The following CHP1 variants were observed in gnomAD, a reference collection of about 807,000 sequenced individuals.
CHP1 encodes calcineurin like EF-hand protein 1.
A neutral mutation model predicts 27.4 loss-of-function variants in CHP1; 11 were observed. The ratio of observed to expected loss-of-function variants is 0.40; its 90% CI spans 0.25 to 0.67. The LOEUF is 0.67. CHP1 is among the 30% of genes least tolerant of loss of function. The pLI is 0.38. For synonymous variants in CHP1, 89 were observed against 87.4 expected, an observed-to-expected ratio of 1.02 and a Z score of -0.10; for missense variants, 169 against 251.3, an observed-to-expected ratio of 0.67 and a Z score of 2.22.
chr15:41,255,843 C>T (rs948044625), intron 2 of CHP1, among the ~76,000 whole-genome samples: 5 of 152,078 alleles, frequency 3.3e-5, no homozygotes, highest in African/African-American at 1.2e-4. Context: ...TGGTGAAACT[C>T]CGTCTCTACT....
At chr15:41,268,708 G>A (rs556921838) in intron 4 of CHP1, among the ~76,000 whole-genome samples, 1 of 151,260 alleles carries the variant, frequency 6.6e-6, no homozygotes. Context: ...TTGGGAGGCC[G>A]AGGTGGTTAG....
At chr15:41,256,186 A>T (rs980443261) in intron 2 of CHP1, among the ~76,000 whole-genome samples, 1 of 152,222 alleles carries the variant, frequency 6.6e-6, no homozygotes, top group African/African-American at 2.4e-5. Flanking sequence ...AAGGGTATAC[A>T]TAAAACATTG....
Position 41,279,550 on chromosome 15 carries a change from T to A in CHP1, c.*161T>A. The A allele has an allele frequency of 1.6e-6, 1 of 635,508 alleles. No individual in the cohort carries two copies. The highest frequency in any genetic ancestry group is 2.6e-5 in the Admixed American group (1 of 38,588). The allele number at this position is 635,508 out of a possible 1,614,324, so 39.4% of individuals were successfully genotyped here. A position where few individuals can be genotyped will look rare whatever the true frequency, so the allele number is the denominator to read the frequency against. On this transcript the variant is annotated 3_prime_UTR_variant, in exon 7 of 7. Coordinates refer to ENST00000334660, the MANE Select transcript of CHP1 (RefSeq NM_007236.5). ...TGTTCTGTCAACACAAACCTGCCTT[T>A]GGTGTATAAACAGGGCATTACAGAA...
At chr15:41,272,747 C>G (rs72739609) in intron 5 of CHP1, among the ~76,000 whole-genome samples, 30,484 of 151,882 alleles carry the variant, frequency 0.2, 3,267 homozygotes, top group Non-Finnish European at 0.24. Flanking sequence ...TAGAAGACAG[C>G]GTAAGAAAAG....
At chr15:41,252,864 A>G (rs750854598) in intron 2 of CHP1, among the ~76,000 whole-genome samples, 6 of 150,310 alleles carry the variant, frequency 4.0e-5, no homozygotes, top group Non-Finnish European at 5.9e-5. Context: ...TAGGTATACC[A>G]TGAGGCAGAA....
chr15:41,278,170 T>C (rs1409010506), intron 5 of CHP1, among the ~76,000 whole-genome samples: 1 of 151,158 alleles, frequency 6.6e-6, no homozygotes, highest in Non-Finnish European at 1.5e-5. Flanking sequence ...CTACTAAAAA[T>C]ACAAAAAATT....
rs183355967 is a variant in CHP1 at position 41,251,220 on chromosome 15, C to A, written c.141-5690C>A. Among the ~76,000 whole-genome samples the A allele has an allele frequency of 3.9e-3, 589 of 152,162 alleles. 4 individuals are homozygous for A. Among genetic ancestry groups the A allele is most frequent in the South Asian group, 0.021 (102 of 4,826 alleles). On this transcript the variant is annotated intron_variant, in intron 2 of 6. Transcript: ENST00000334660. ...AGCATTGGACATGATAAATTTTCACCAAGGGAAGACTATCCAGCCTCCAGA... is the reference window on the plus strand; with the variant it reads ...AGCATTGGACATGATAAATTTTCACAAAGGGAAGACTATCCAGCCTCCAGA...
At chr15:41,237,033 G>C (rs916129805) in intron 1 of CHP1, among the ~76,000 whole-genome samples, 2 of 151,630 alleles carry the variant, frequency 1.3e-5, no homozygotes, top group African/African-American at 4.8e-5. Context: ...GTTTCGCCAC[G>C]TTGGCCAGGC....
At chr15:41,272,780 G>C (rs1242384749) in intron 5 of CHP1, among the ~76,000 whole-genome samples, 1 of 152,098 alleles carries the variant, frequency 6.6e-6, no homozygotes, top group African/African-American at 2.4e-5. Context: ...CAGGCGCAGT[G>C]GCTCATGCCT....
At chr15:41,264,445 T>G (rs1238516627) in intron 4 of CHP1, among the ~76,000 whole-genome samples, 1 of 152,168 alleles carries the variant, frequency 6.6e-6, no homozygotes, top group Non-Finnish European at 1.5e-5. Flanking sequence ...ATTTTGTTTT[T>G]GCTTAATTTT....
At chr15:41,276,435 A>T (rs1246641443) in intron 5 of CHP1, among the ~76,000 whole-genome samples, 1 of 152,138 alleles carries the variant, frequency 6.6e-6, no homozygotes, top group African/African-American at 2.4e-5. Flanking sequence ...CTCCCATTTC[A>T]TATTGCCTAA....
At chr15:41,231,553 G>C (rs1003344853) in intron 1 of CHP1, 104 bp downstream of exon 1, 2 of 1,111,226 alleles carry the variant, frequency 1.8e-6, no homozygotes, top group Admixed American at 4.0e-5. Context: ...TGAGGTTGGG[G>C]GGTCCTGGGC....
chr15:41,237,368 G>C (rs890400313), intron 1 of CHP1, among the ~76,000 whole-genome samples: 10 of 151,910 alleles, frequency 6.6e-5, no homozygotes, highest in Non-Finnish European at 1.2e-4. Context: ...GGCTGGTCTC[G>C]AACTCCTAAC....
At chr15:41,244,752 A>C (rs1053027522) in intron 2 of CHP1, among the ~76,000 whole-genome samples, 1 of 152,188 alleles carries the variant, frequency 6.6e-6, no homozygotes, top group South Asian at 2.1e-4. Flanking sequence ...ATGTAATGCT[A>C]TATTGTTTTA....
chr15:41,233,554 C>G (rs2047263072), intron 1 of CHP1, among the ~76,000 whole-genome samples: 1 of 152,086 alleles, frequency 6.6e-6, no homozygotes, highest in Non-Finnish European at 1.5e-5. Context: ...AGCCAGAATG[C>G]TTAGTGAAAC....
intron 4 of CHP1, among the ~76,000 whole-genome samples, chr15:41,264,645 A>C (rs904518336): frequency 2.6e-5 from 4 of 152,042 alleles, no homozygotes; most frequent in African/African-American, 7.2e-5. Context: ...GGGTCTCACT[A>C]TGTTGCCCAG....
Position 41,279,394 on chromosome 15 carries a change from G to C in CHP1, c.*5G>C. Reference sequence around the variant, plus strand: ...AGCATCCGATTTCTTCACTAAAGGAGACCAAACTGTTCCTTGCGGTCTAGT... The same window carrying C: ...AGCATCCGATTTCTTCACTAAAGGACACCAAACTGTTCCTTGCGGTCTAGT... On this transcript the variant is annotated 3_prime_UTR_variant, in exon 7 of 7. Coordinates refer to ENST00000334660, the MANE Select transcript of CHP1 (RefSeq NM_007236.5). 1 of 1,612,056 alleles carries C rather than the reference G, an allele frequency of 6.2e-7. No homozygotes were observed. The highest frequency in any genetic ancestry group is 8.5e-7 in the Non-Finnish European group (1 of 1,179,294).
intron 4 of CHP1, among the ~76,000 whole-genome samples, chr15:41,267,855 G>A (rs1025817605): frequency 1.4e-5 from 2 of 148,082 alleles, no homozygotes; most frequent in African/African-American, 5.1e-5. Flanking sequence ...GATCACTTGA[G>A]CCCAGAAGTT....
chr15:41,277,146 A>G (rs946179168), intron 5 of CHP1, among the ~76,000 whole-genome samples: 3 of 152,214 alleles, frequency 2.0e-5, no homozygotes, highest in African/African-American at 7.2e-5. Context: ...AGATGGGGAT[A>G]CATTCTGAGA....
Sources: allele counts gnomAD v4.1 joint callset (sites outside exome capture counted in the v4.1 genomes callset), GRCh38; gene constraint gnomAD v4.1.1; transcripts MANE v1.5; gene names NCBI Gene and HGNC (gene_info 2026-07-23, HGNC 2026-07-21).